The following RNF13 variants were observed in gnomAD, a reference collection of about 807,000 sequenced individuals.
The protein encoded by RNF13 is ring finger protein 13, also known as E3 ubiquitin-protein ligase RNF13.
RNF13 carries 19 observed loss-of-function variants against 37.7 expected under a neutral mutation model. The ratio of observed to expected loss-of-function variants is 0.50; its 90% CI spans 0.35 to 0.74. The LOEUF (loss-of-function observed/expected upper bound fraction) is 0.74, where lower values mean the gene tolerates loss of function less well. Among genes scored for constraint, RNF13 ranks in the 30% least tolerant of loss-of-function variants. The pLI is 0.01. For synonymous variants in RNF13, 144 were observed against 157.8 expected (o/e 0.91, Z 0.65); for missense variants, 375 against 453.0 (o/e 0.83, Z 1.56).
At position 149,856,209 on chromosome 3, in the gene RNF13, A is replaced by G. The variant is rs954762128; in HGVS notation, c.195+3613A>G. On this transcript the variant is annotated intron_variant, in intron 3 of 9. Transcript: ENST00000392894. ...AGAAGTGAAATATTCTAACAAAATT[A>G]TTGGATTATTATGGGTAGCTTTTAT... Among the ~76,000 whole-genome samples the G allele has an allele frequency of 9.2e-5, 14 of 151,712 alleles. No individual in the cohort carries two copies. The East Asian group carries it at 2.1e-3, about 23-fold the overall frequency.
intron 4 of RNF13, among the ~76,000 whole-genome samples, chr3:149,875,766 C>T (rs1478414526): frequency 6.6e-6 from 1 of 152,152 alleles, no homozygotes; most frequent in Non-Finnish European, 1.5e-5. Flanking sequence ...GATTACATGT[C>T]AGGTACTTAT....
At position 149,860,270 on chromosome 3, in the gene RNF13, A is replaced by AATATATAT. The variant is rs1186058605; in HGVS notation, c.195+7698_195+7705dup. Among the ~76,000 whole-genome samples, 38 of 104,078 alleles carry AATATATAT rather than the reference A, an allele frequency of 3.7e-4. 2 individuals carry two copies. Among genetic ancestry groups the AATATATAT allele is most frequent in the African/African-American group, 1.1e-3 (25 of 23,718 alleles). The allele number at this position is 104,078 out of a possible 152,430, so 68.3% of individuals were successfully genotyped here. On this transcript the variant is annotated intron_variant, in intron 3 of 9. Transcript: ENST00000392894. Reference sequence around the variant, plus strand: ...GAGACTCCATCTAAAAAAAAAAAAAAATATATATATATATATATATATATA... The same window carrying AATATATAT: ...GAGACTCCATCTAAAAAAAAAAAAAAATATATATATATATATATATATATATATATATA...
rs577284351 is a variant in RNF13 at position 149,891,407 on chromosome 3, T to G, written c.322-4066T>G. Among the ~76,000 whole-genome samples the G allele has an allele frequency of 9.7e-4, 148 of 152,326 alleles. 1 individual carries two copies. The highest frequency in any genetic ancestry group is 2.5e-4 in the Non-Finnish European group (17 of 68,018). On this transcript the variant is annotated intron_variant, in intron 4 of 9. Coordinates refer to ENST00000392894, the MANE Select transcript of RNF13 (RefSeq NM_183381.3). ...TTGTTCAGGCTAGAAATAAGATGAA[T>G]TATTGTGTTGTTCCCAGGGTTCCTT... is the stretch of plus-strand genomic sequence containing the variant.
intron 7 of RNF13, among the ~76,000 whole-genome samples, chr3:149,916,980 T>A (rs947495723): frequency 6.6e-6 from 1 of 152,218 alleles, no homozygotes; most frequent in Non-Finnish European, 1.5e-5. Flanking sequence ...ATTCTTACTT[T>A]CATTTGACTT....
At chr3:149,954,612 A>C (rs562162401) in intron 8 of RNF13, among the ~76,000 whole-genome samples, 11 of 152,326 alleles carry the variant, frequency 7.2e-5, no homozygotes, top group Non-Finnish European at 1.6e-4. Context: ...ACTTGAATAT[A>C]GTATCTGTAA....
At chr3:149,882,701 G>A (rs1318526349) in intron 4 of RNF13, among the ~76,000 whole-genome samples, 1 of 152,010 alleles carries the variant, frequency 6.6e-6, no homozygotes, top group Admixed American at 6.5e-5. Context: ...GGATGATTTT[G>A]TTTTTATTTT....
chr3:149,898,376 A>T (rs2971466), intron 5 of RNF13, among the ~76,000 whole-genome samples: 1 of 151,904 alleles, frequency 6.6e-6, no homozygotes, highest in Non-Finnish European at 1.5e-5. Flanking sequence ...TGTTTTAGGC[A>T]CTGTGACTAT....
chr3:149,849,061 A>T (rs1351499684), intron 2 of RNF13, among the ~76,000 whole-genome samples: 1 of 152,126 alleles, frequency 6.6e-6, no homozygotes, highest in Non-Finnish European at 1.5e-5. Context: ...GTACTTTTAG[A>T]TTACTGTTTT....
intron 4 of RNF13, among the ~76,000 whole-genome samples, chr3:149,889,305 G>GTGTGTGTGTA (rs1714418179): frequency 6.7e-6 from 1 of 148,864 alleles, no homozygotes; most frequent in Non-Finnish European, 1.5e-5. Context: ...GTGTGTGTGT[G>GTGTGTGTGTA]TGTGTGTGTG....
chr3:149,908,752 T>C (rs1350349), intron 6 of RNF13, among the ~76,000 whole-genome samples: 136,526 of 152,244 alleles, frequency 0.9, 61,283 homozygotes, highest in African/African-American at 0.93. Flanking sequence ...CACTGAGGCT[T>C]AGTAGTTTGA....
At chr3:149,879,174 A>G (rs1713089617) in intron 4 of RNF13, among the ~76,000 whole-genome samples, 1 of 152,194 alleles carries the variant, frequency 6.6e-6, no homozygotes, top group Non-Finnish European at 1.5e-5. Flanking sequence ...AAAAGTATCT[A>G]TAATGTGTAT....
At chr3:149,868,770 G>A (rs1711632328) in intron 3 of RNF13, among the ~76,000 whole-genome samples, 1 of 151,518 alleles carries the variant, frequency 6.6e-6, no homozygotes, top group African/African-American at 2.4e-5. Flanking sequence ...GCTGCATTTA[G>A]GATCCTCTCT....
chr3:149,920,414 T>A (rs1406719887), intron 7 of RNF13, among the ~76,000 whole-genome samples: 1 of 150,526 alleles, frequency 6.6e-6, no homozygotes, highest in Non-Finnish European at 1.5e-5. Context: ...TTTTTTCTTT[T>A]TAGAGATGGG....
chr3:149,833,103 G>A (rs186717526), intron 1 of RNF13, among the ~76,000 whole-genome samples: 1 of 141,956 alleles, frequency 7.0e-6, no homozygotes, highest in African/African-American at 2.6e-5. Flanking sequence ...ATAACTTATC[G>A]TTCTCTCTCT....
At chr3:149,950,949 G>T (rs1309630990) in intron 8 of RNF13, among the ~76,000 whole-genome samples, 3 of 152,134 alleles carry the variant, frequency 2.0e-5, no homozygotes, top group Non-Finnish European at 4.4e-5. Context: ...CCTTTCCCCA[G>T]GTCAGTTAGA....
chr3:149,917,568 C>A (rs911732707), intron 7 of RNF13: 1 of 152,052 alleles, frequency 6.6e-6, no homozygotes, highest in South Asian at 2.1e-4. Context: ...ATTATAACAC[C>A]CCCTCAGAAA....
At chr3:149,935,350 A>C (rs1719570140) in intron 8 of RNF13, among the ~76,000 whole-genome samples, 1 of 152,136 alleles carries the variant, frequency 6.6e-6, no homozygotes. Flanking sequence ...TCTTTTAATT[A>C]GAACATTTAG....
At chr3:149,950,599 T>C (rs1585859) in intron 8 of RNF13, among the ~76,000 whole-genome samples, 150,922 of 152,212 alleles carry the variant, frequency 0.99, 74,831 homozygotes, top group East Asian at 1. Flanking sequence ...CTCAGCCTCC[T>C]GAATAGCTGG....
chr3:149,961,936 G>A lies in RNF13; in HGVS notation c.*832G>A, dbSNP rs1722479812. ...GTACAGAGGAAACTGTTCAAGTATT[G>A]GATTTGAAAGTAAGTGACTTATGTT... On this transcript the variant is annotated 3_prime_UTR_variant, in exon 10 of 10. Coordinates refer to ENST00000392894, the MANE Select transcript of RNF13 (RefSeq NM_183381.3). 1 of 152,598 alleles carries A rather than the reference G, an allele frequency of 6.6e-6. No individual in the cohort carries two copies. Among genetic ancestry groups the A allele is most frequent in the African/African-American group, 2.4e-5 (1 of 41,430 alleles). 9.5% of individuals were successfully genotyped at this position (152,598 alleles called of 1,614,324 possible). A position where few individuals can be genotyped will look rare whatever the true frequency, so the allele number is the denominator to read the frequency against.
Sources: gnomAD v4.1 joint callset for allele counts (sites outside exome capture counted in the v4.1 genomes callset) on GRCh38, gnomAD v4.1.1 for gene constraint, MANE v1.5 for transcripts, NCBI Gene and HGNC (gene_info 2026-07-23, HGNC 2026-07-21) for gene names.